HID1: variants seen among roughly 807,000 people sequenced by gnomAD.
HID1 encodes protein HID1.
HID1 carries 42 observed loss-of-function variants against 89.7 expected under a neutral mutation model. The ratio of observed to expected loss-of-function variants is 0.47; its 90% CI spans 0.37 to 0.61. HID1 has a LOEUF of 0.61. Among genes scored for constraint, HID1 ranks in the 20% least tolerant of loss-of-function variants. The probability of loss-of-function intolerance (pLI) is 0.00; values close to 1 mark genes in which losing one functional copy is unlikely to be tolerated. For synonymous variants in HID1, 442 were observed against 433.8 expected, an observed-to-expected ratio of 1.02 and a Z score of -0.24; for missense variants, 854 against 1,039.3, an observed-to-expected ratio of 0.82 and a Z score of 2.45.
At position 74,951,321 on chromosome 17, in the gene HID1, G is replaced by A. The variant is rs780189502; in HGVS notation, c.*249C>T. 4.0e-5 allele frequency: 23 copies of A among 568,524 alleles called. No homozygotes were observed. Among genetic ancestry groups the A allele is most frequent in the Non-Finnish European group, 6.9e-5 (22 of 319,978 alleles). The allele number at this position is 568,524 out of a possible 1,614,324, so 35.2% of individuals were successfully genotyped here. On this transcript the variant is annotated 3_prime_UTR_variant, in exon 19 of 19. Coordinates refer to ENST00000425042, the MANE Select transcript of HID1 (RefSeq NM_030630.3). ...TAAAGAGGGAGTCCGAGTGTTGGGG[G>A]CAGTGGTCTCTGGTGGGGGCATAGC...
chr17:74,964,527 C>A lies in HID1; in HGVS notation c.172G>T (p.Val58Leu). Residue 58 changes from valine to leucine, a missense_variant, in exon 2 of 19, where the codon GTG becomes TTG. Physicochemically the swap from Val to Leu is conservative, Grantham distance 32. Coordinates refer to ENST00000425042, the MANE Select transcript of HID1 (RefSeq NM_030630.3). ...ALVPAAEIRA[V>L]REESPSNLAT... ...AAGTTGGAGGGTGACTCTTCCCGCA[C>A]GGCCCGGATCTCTGCTGCCGGCACC... 6.2e-7 allele frequency: 1 copy of A among 1,609,886 alleles called. No individual in the cohort carries two copies. The highest frequency in any genetic ancestry group is 1.7e-5 in the Admixed American group (1 of 59,450).
chr17:74,953,686 G>C, intron 14 of HID1, 35 bp from the exon 15 acceptor site: 4 of 1,501,748 alleles, frequency 2.7e-6, no homozygotes, highest in Non-Finnish European at 3.7e-6. Context: ...AGGACTCCCT[G>C]CCACAGTGAC....
At chr17:74,953,196 G>T in intron 15 of HID1, 110 bp from the exon 16 acceptor site, 2 of 956,734 alleles carry the variant, frequency 2.1e-6, no homozygotes, top group Non-Finnish European at 1.5e-6. Flanking sequence ...AAAGGGGAAG[G>T]CCCAGCCCAG....
chr17:74,956,624 C>A (rs2039394532), intron 12 of HID1, among the ~76,000 whole-genome samples: 2 of 152,186 alleles, frequency 1.3e-5, no homozygotes, highest in African/African-American at 4.8e-5. Flanking sequence ...ACAGTCCTGA[C>A]CCCAAAGCTC....
At chr17:74,961,705 T>A in intron 6 of HID1, 168 bp downstream of exon 6, 1 of 395,688 alleles carries the variant, frequency 2.5e-6, no homozygotes, top group Non-Finnish European at 4.6e-6. Flanking sequence ...TGTCGAGGAC[T>A]CCAAGGAGAG....
Position 74,955,963 on chromosome 17 carries a change from G to A in HID1, c.1472-7C>T. 1 of 1,613,052 alleles carries A rather than the reference G, an allele frequency of 6.2e-7. No homozygotes were observed. The highest frequency in any genetic ancestry group is 8.5e-7 in the Non-Finnish European group (1 of 1,179,668). Reference sequence around the variant, plus strand: ...CTCTTGAGGTAGGGGGACACTGTAAGGGAGGGGTCAGCTCACTCCTGGGCC... The same window carrying A: ...CTCTTGAGGTAGGGGGACACTGTAAAGGAGGGGTCAGCTCACTCCTGGGCC... On this transcript the variant is annotated splice_region_variant and splice_polypyrimidine_tract_variant and intron_variant, in intron 12 of 18. Transcript: ENST00000425042.
Position 74,972,647 on chromosome 17 carries a change from T to A in HID1, c.10A>T (p.Thr4Ser), listed in dbSNP as rs1201379111. 3.0e-5 allele frequency: 47 copies of A among 1,547,882 alleles called. No individual in the cohort carries two copies. Among genetic ancestry groups the A allele is most frequent in the African/African-American group, 1.4e-5 (1 of 72,614 alleles). MGS[T>S]DSKLNFRKAV... The stretch of plus-strand genomic sequence containing the variant: ...TTCCGGAAGTTCAGCTTGGAGTCGG[T>A]CGACCCCATGTCTCTGGAGCCCGCT... Residue 4 changes from threonine to serine, a missense_variant, in exon 1 of 19, where the codon ACC becomes TCC. Coordinates refer to ENST00000425042, the MANE Select transcript of HID1 (RefSeq NM_030630.3). The surrounding 1 kb of genome is among the most constrained non-coding windows in gnomAD (Gnocchi z 6.4).
At chr17:74,957,728 C>T (rs2039412092) in intron 12 of HID1, among the ~76,000 whole-genome samples, 3 of 151,700 alleles carry the variant, frequency 2.0e-5, no homozygotes, top group African/African-American at 2.4e-5. Flanking sequence ...GGCAAAACCC[C>T]GTCTCTACTA....
At chr17:74,952,964 A>C in intron 16 of HID1, 42 bp downstream of exon 16, 2 of 1,514,516 alleles carry the variant, frequency 1.3e-6, no homozygotes, top group Non-Finnish European at 1.8e-6. Flanking sequence ...CCATCTGCCC[A>C]AACCCCAGCC....
intron 1 of HID1, chr17:74,967,742 AC>A (rs1236250332): frequency 2.6e-5 from 4 of 151,520 alleles, no homozygotes; most frequent in Non-Finnish European, 5.9e-5. Context: ...CATCTCAGCT[AC>A]TTGGGAGGCT....
chr17:74,965,839 C>A (rs1224859403), intron 1 of HID1, among the ~76,000 whole-genome samples: 2 of 151,970 alleles, frequency 1.3e-5, no homozygotes, highest in Non-Finnish European at 2.9e-5. Flanking sequence ...ATCACTTGAA[C>A]CCAGGAGGCA....
In HID1 at chr17:74,954,542, T is replaced by A. The variant is rs916916648; in HGVS notation, c.1637-177A>T. On this transcript the variant is annotated intron_variant, in intron 13 of 18. Transcript: ENST00000425042. ...TGGGGCAGGGCTGGCACTGGCTGTG[T>A]GTGCCCACTATGGCTATCCCAGAAT... The A allele has an allele frequency of 1.7e-5, 19 of 1,096,086 alleles. 1 individual carries two copies. The highest frequency in any genetic ancestry group is 2.5e-5 in the Non-Finnish European group (19 of 772,386). The allele number at this position is 1,096,086 out of a possible 1,614,324, so 67.9% of individuals were successfully genotyped here.
rs868663975 is a variant in HID1, at chr17:74,951,936, G to C, written c.2272C>G (p.Arg758Gly). ...TAGATGACGCCCCACATGTAGGTGC[G>C]GAACCACATGGCAGTGCCCGAGTTG... is the stretch of plus-strand genomic sequence containing the variant. ...QANSGTAMWF[R>G]TYMWGVIYLR... The change falls in exon 18 of 19, where the codon CGC becomes GGC. Residue 758 changes from arginine to glycine, a missense_variant. Coordinates refer to ENST00000425042, the MANE Select transcript of HID1 (RefSeq NM_030630.3). 1 of 1,551,978 alleles carries C rather than the reference G, an allele frequency of 6.4e-7. No homozygotes were observed. Among genetic ancestry groups the C allele is most frequent in the African/African-American group, 1.3e-5 (1 of 74,228 alleles).
At chr17:74,967,278 C>T (rs1291976518) in intron 1 of HID1, among the ~76,000 whole-genome samples, 6 of 151,084 alleles carry the variant, frequency 4.0e-5, no homozygotes, top group South Asian at 4.2e-4. Context: ...CGGTGGCTCA[C>T]GCCTGTAATT....
At position 74,959,898 on chromosome 17, in the gene HID1, G is replaced by A. The variant is rs753931970; in HGVS notation, c.991C>T (p.Arg331Cys). 6.8e-6 allele frequency: 11 copies of A among 1,613,578 alleles called. No homozygotes were observed. The highest frequency in any genetic ancestry group is 2.2e-5 in the South Asian group (2 of 91,080). Residue 331 changes from arginine (R) to cysteine (C), a missense_variant, in exon 8 of 19, where the codon CGC becomes TGC. Physicochemically the swap from Arg to Cys is radical, Grantham distance 180. Transcript: ENST00000425042. This position sits in a 1 kb window ranked among gnomAD's most constrained non-coding sequence, Gnocchi z 4.6. ...GGACTTGCCTCCTCACGATGGATGCGGGACAGGTAGTTCACAAACAGGTTC... is the reference window on the plus strand; with the variant it reads ...GGACTTGCCTCCTCACGATGGATGCAGGACAGGTAGTTCACAAACAGGTTC... Reference protein sequence around the residue: ...PENLFVNYLSRIHREEDFQFI... With the variant: ...PENLFVNYLSCIHREEDFQFI...
intron 1 of HID1, chr17:74,970,798 T>C (rs1481461165): frequency 6.6e-6 from 1 of 152,318 alleles, no homozygotes; most frequent in African/African-American, 2.4e-5. Flanking sequence ...GTAAGGTCAG[T>C]GATGATCATC....
intron 1 of HID1, among the ~76,000 whole-genome samples, chr17:74,966,477 C>T (rs1249515379): frequency 6.6e-6 from 1 of 151,986 alleles, no homozygotes; most frequent in Non-Finnish European, 1.5e-5. Flanking sequence ...GGGCCCATCC[C>T]TTTATGGCTC....
chr17:74,960,862 C>T (rs771564349), intron 6 of HID1, among the ~76,000 whole-genome samples: 2 of 152,144 alleles, frequency 1.3e-5, no homozygotes, highest in Non-Finnish European at 2.9e-5. Flanking sequence ...GGGCACAGAC[C>T]CTATGCAGCC....
intron 6 of HID1, 49 bp downstream of exon 6, chr17:74,961,824 T>C: frequency 2.5e-6 from 3 of 1,191,762 alleles, no homozygotes; most frequent in Non-Finnish European, 3.5e-6. Context: ...AGCTCTGGAT[T>C]GCCTGGAATA....
Sources: allele counts gnomAD v4.1 joint callset (sites outside exome capture counted in the v4.1 genomes callset), GRCh38; gene constraint gnomAD v4.1.1; non-coding constraint Gnocchi (gnomAD v3.1); transcripts MANE v1.5; gene names NCBI Gene and HGNC (gene_info 2026-07-23, HGNC 2026-07-21).